The following OPCML variants were observed in gnomAD, a reference collection of about 807,000 sequenced individuals.
OPCML encodes opioid-binding protein/cell adhesion molecule.
A neutral mutation model predicts 37.8 loss-of-function variants in OPCML; 13 were observed. The ratio of observed to expected loss-of-function variants is 0.34; its 90% confidence interval spans 0.22 to 0.55. The LOEUF is 0.55. OPCML is among the 20% of genes least tolerant of loss of function. OPCML has a pLI of 0.91. For synonymous variants in OPCML, 176 were observed against 168.8 expected (o/e 1.04, Z -0.33); for missense variants, 341 against 435.6 (o/e 0.78, Z 1.93).
chr11:132,891,477 T>A (rs1445158091), intron 2 of OPCML, among the ~76,000 whole-genome samples: 1 of 152,220 alleles, frequency 6.6e-6, no homozygotes, highest in Non-Finnish European at 1.5e-5. Flanking sequence ...CTGGAATATT[T>A]AAAATTCAGT....
chr11:132,481,157 T>G (rs907861006), intron 4 of OPCML, among the ~76,000 whole-genome samples: 2 of 152,158 alleles, frequency 1.3e-5, no homozygotes, highest in African/African-American at 4.8e-5. Context: ...GACCCATCAG[T>G]GTGCTGTATT....
At chr11:132,812,068 T>C (rs924370932) in intron 2 of OPCML, among the ~76,000 whole-genome samples, 1 of 152,144 alleles carries the variant, frequency 6.6e-6, no homozygotes, top group African/African-American at 2.4e-5. Flanking sequence ...TAGCCTAACT[T>C]TTCTCATTGC....
At chr11:132,549,090 A>G (rs2096375568) in intron 3 of OPCML, among the ~76,000 whole-genome samples, 1 of 152,138 alleles carries the variant, frequency 6.6e-6, no homozygotes, top group African/African-American at 2.4e-5. Context: ...ATGAGATAAG[A>G]GGTCCTGACA....
At chr11:133,025,551 A>C (rs932487308) in intron 1 of OPCML, 1 of 795,580 alleles carries the variant, frequency 1.3e-6, no homozygotes, top group Non-Finnish European at 1.5e-6. Flanking sequence ...ATTTAAAAAG[A>C]GTGGTTCGTT....
chr11:132,709,395 A>C (rs966188319), intron 2 of OPCML, among the ~76,000 whole-genome samples: 2 of 152,252 alleles, frequency 1.3e-5, no homozygotes, highest in African/African-American at 2.4e-5. Flanking sequence ...CTAAGATATG[A>C]ACACTGGTGC....
At position 132,441,161 on chromosome 11, in the gene OPCML, TTTTG is replaced by T. The variant is rs1196828625; in HGVS notation, c.506-3806_506-3803del. On this transcript the variant is annotated intron_variant, in intron 4 of 7. Transcript: ENST00000524381. ...CTGAAGATGTGTTCACCAAGGACTT[TTTTG>T]TTTTTTTTTTTTTTTTTTTTGAGAC... Among the ~76,000 whole-genome samples the T allele has an allele frequency of 2.0e-3, 202 of 102,216 alleles. 21 individuals carry two copies. The highest frequency in any genetic ancestry group is 0.011 in the African/African-American group (162 of 14,482). 67.1% of individuals were successfully genotyped at this position (102,216 alleles called of 152,430 possible). A position where few individuals can be genotyped will look rare whatever the true frequency, so the allele number is the denominator to read the frequency against.
At chr11:133,353,429 G>C (rs1173007050) in intron 1 of OPCML, among the ~76,000 whole-genome samples, 1 of 152,074 alleles carries the variant, frequency 6.6e-6, no homozygotes, top group Admixed American at 6.5e-5. Flanking sequence ...TAATGTGCTT[G>C]GATTACAGGC....
intron 2 of OPCML, among the ~76,000 whole-genome samples, chr11:132,718,641 C>G (rs1944574236): frequency 6.6e-6 from 1 of 152,104 alleles, no homozygotes; most frequent in African/African-American, 2.4e-5. Context: ...AGGGTAGCTA[C>G]ACCACTGTGG....
At chr11:132,977,204 T>C (rs559832525) in intron 1 of OPCML, among the ~76,000 whole-genome samples, 2 of 152,234 alleles carry the variant, frequency 1.3e-5, no homozygotes, top group Non-Finnish European at 2.9e-5. Context: ...GGATATTAGA[T>C]ATTTTTGTTT....
chr11:133,392,509 T>G (rs1243970997), intron 1 of OPCML, among the ~76,000 whole-genome samples: 1 of 152,070 alleles, frequency 6.6e-6, no homozygotes, highest in African/African-American at 2.4e-5. Context: ...CTGTCGGAGG[T>G]GACTGGTCCT....
intron 1 of OPCML, among the ~76,000 whole-genome samples, chr11:133,076,718 T>TCAC (rs1208125178): frequency 6.6e-6 from 1 of 151,504 alleles, no homozygotes; most frequent in Admixed American, 6.6e-5. Context: ...GTCATCATCA[T>TCAC]CATCATCATC....
chr11:133,461,943 G>A (rs904497621), intron 1 of OPCML, among the ~76,000 whole-genome samples: 21 of 151,884 alleles, frequency 1.4e-4, no homozygotes, highest in Admixed American at 7.9e-4. Context: ...TTAAACCAAC[G>A]GAGTAGAACA....
intron 2 of OPCML, among the ~76,000 whole-genome samples, chr11:132,890,381 T>C (rs548156886): frequency 2.0e-5 from 3 of 152,320 alleles, no homozygotes; most frequent in South Asian, 2.1e-4. Flanking sequence ...TTCAACAAGA[T>C]AGATGCAGAC....
chr11:132,664,392 G>A (rs987411855), intron 2 of OPCML, among the ~76,000 whole-genome samples: 8 of 152,010 alleles, frequency 5.3e-5, no homozygotes, highest in African/African-American at 7.3e-5. Flanking sequence ...TTTAAAGCCC[G>A]AAATGCATTT....
At chr11:132,960,841 A>G (rs756924213) in intron 1 of OPCML, among the ~76,000 whole-genome samples, 1 of 152,152 alleles carries the variant, frequency 6.6e-6, no homozygotes, top group Admixed American at 6.5e-5. Flanking sequence ...CAATCAACCC[A>G]TGTTACTGGG....
At chr11:132,558,324 TCTCC>T (rs2096401321) in intron 3 of OPCML, among the ~76,000 whole-genome samples, 1 of 19,934 alleles carries the variant, frequency 5.0e-5, no homozygotes, top group African/African-American at 2.8e-4. Flanking sequence ...CCTCCTCCCC[TCTCC>T]CCCCCTCCTC....
At position 133,325,592 on chromosome 11, in the gene OPCML, G is replaced by T. The variant is rs150397217; in HGVS notation, c.61+206672C>A. Among the ~76,000 whole-genome samples the T allele has an allele frequency of 4.4e-3, 662 of 152,158 alleles. 7 individuals are homozygous for T. The highest frequency in any genetic ancestry group is 0.015 in the African/African-American group (623 of 41,520). On this transcript the variant is annotated intron_variant, in intron 1 of 7. Coordinates refer to ENST00000524381, the MANE Select transcript of OPCML (RefSeq NM_001012393.5). The stretch of plus-strand genomic sequence containing the variant: ...TATATATCCCACTTTTAGTAGATTA[G>T]AATATATATAAATTGTAATTCTATT...
intron 1 of OPCML, among the ~76,000 whole-genome samples, chr11:133,410,634 T>TAAAAAAAAAAAAAAAAAAAA (rs71038527): frequency 2.1e-5 from 1 of 47,012 alleles, no homozygotes; most frequent in South Asian, 1.2e-3. Flanking sequence ...AGAAAAAAAG[T>TAAAAAAAAAAAAAAAAAAAA]AAAAAAAAAA....
At chr11:132,628,923 G>T (rs1356462182) in intron 3 of OPCML, among the ~76,000 whole-genome samples, 1 of 152,090 alleles carries the variant, frequency 6.6e-6, no homozygotes, top group Non-Finnish European at 1.5e-5. Flanking sequence ...TAAGTTTCCT[G>T]AAGCCTTCCC....
Sources: gnomAD v4.1 joint callset for allele counts (sites outside exome capture counted in the v4.1 genomes callset) on GRCh38, gnomAD v4.1.1 for gene constraint, MANE v1.5 for transcripts, NCBI Gene and HGNC (gene_info 2026-07-23, HGNC 2026-07-21) for gene names.